AP3B2: variants seen among roughly 807,000 people sequenced by gnomAD.
AP3B2 encodes adaptor related protein complex 3 subunit beta 2, also known as AP-3 complex subunit beta-2.
Under a neutral mutation model 126.9 loss-of-function variants are expected in AP3B2, and 50 were observed. That is an observed-to-expected ratio of 0.39 (90% CI 0.31 to 0.50). The LOEUF (loss-of-function observed/expected upper bound fraction) is 0.50. Ranked by LOEUF, AP3B2 falls within the 20% of genes least tolerant of loss-of-function variation. The pLI is 0.79. For synonymous variants in AP3B2, 541 were observed against 565.0 expected, an observed-to-expected ratio of 0.96 and a Z score of 0.60; for missense variants, 1,177 against 1,426.4, an observed-to-expected ratio of 0.83 and a Z score of 2.82.
chr15:82,698,017 G>C (rs2048656669), intron 1 of AP3B2: 1 of 152,750 alleles, frequency 6.5e-6, no homozygotes, highest in South Asian at 2.1e-4. Flanking sequence ...GCTTCCCTGA[G>C]ATATGAATGC....
At chr15:82,705,230 G>A (rs146671449) in intron 1 of AP3B2, among the ~76,000 whole-genome samples, 6 of 152,110 alleles carry the variant, frequency 3.9e-5, no homozygotes, top group Non-Finnish European at 5.9e-5. Flanking sequence ...CGTGCTCAAT[G>A]TCAATATCCC....
intron 1 of AP3B2, chr15:82,700,020 G>T (rs1006085362): frequency 1.0e-5 from 4 of 397,436 alleles, no homozygotes; most frequent in Non-Finnish European, 1.3e-5. Context: ...CAGAGACAAG[G>T]CCTCTAGAGG....
intron 1 of AP3B2, chr15:82,692,070 A>T: frequency 6.7e-7 from 1 of 1,492,754 alleles, no homozygotes; most frequent in Non-Finnish European, 9.3e-7. Context: ...ATCTTCTTGC[A>T]GAAGGCCCAT....
rs1410185898 is a variant in AP3B2, at chr15:82,664,793, A to T, written c.2137+42T>A. 1 of 1,436,278 alleles carries T rather than the reference A, an allele frequency of 7.0e-7. No homozygotes were observed. The highest frequency in any genetic ancestry group is 2.4e-5 in the East Asian group (1 of 41,190). 89.0% of individuals were successfully genotyped at this position (1,436,278 alleles called of 1,614,324 possible). ...CTCATATAGTCAGTCACACAGATGC[A>T]TGGGCAGAGCACAGAGGACCCCAGC... is the stretch of plus-strand genomic sequence containing the variant. On this transcript the variant is annotated intron_variant, in intron 18 of 26. Coordinates refer to ENST00000535359, the MANE Select transcript of AP3B2 (RefSeq NM_001278512.2). The surrounding 1 kb of genome is among the most constrained non-coding windows in gnomAD (Gnocchi z 4.5).
chr15:82,699,194 C>T (rs1005387450), intron 1 of AP3B2: 2 of 154,086 alleles, frequency 1.3e-5, no homozygotes, highest in Non-Finnish European at 2.9e-5. Flanking sequence ...TGGCATGGCA[C>T]TGGGGGTCAG....
rs370858621 is a variant in AP3B2 at position 82,689,122 on chromosome 15, G to A, written c.264+36C>T. 6.2e-4 allele frequency: 990 copies of A among 1,609,032 alleles called. 2 individuals carry two copies. The highest frequency in any genetic ancestry group is 7.0e-4 in the Non-Finnish European group (818 of 1,175,582). ...AAGCTTGAGTGTGGTCCTGGGGGAG[G>A]TGGGGACAAGCAATCCCTCACCAGG... is the stretch of plus-strand genomic sequence containing the variant. On this transcript the variant is annotated intron_variant, in intron 3 of 26. Coordinates refer to ENST00000535359, the MANE Select transcript of AP3B2 (RefSeq NM_001278512.2).
In AP3B2 at chr15:82,659,879, C is replaced by T; in HGVS notation, c.3121G>A (p.Gly1041Ser). Reference protein sequence around the residue: ...VQKVTATANLGRVPCGTSDEY... With the variant: ...VQKVTATANLSRVPCGTSDEY... ...TCAGATGTCCCACAAGGAACACGACCCAGGTTGGCAGTGGCAGTCACTTTC... is the reference window on the plus strand; with the variant it reads ...TCAGATGTCCCACAAGGAACACGACTCAGGTTGGCAGTGGCAGTCACTTTC... Residue 1041 changes from glycine to serine, a missense_variant, in exon 26 of 27, where the codon GGT (glycine) becomes AGT (serine). By Grantham distance (56) the Gly-to-Ser change is moderately conservative. This residue lies in a region of AP3B2 where 587 missense variants were observed against 571.3 expected (regional missense o/e 1.03). Transcript: ENST00000535359. The T allele has an allele frequency of 6.2e-7, 1 of 1,613,978 alleles. No homozygotes were observed. Among genetic ancestry groups the T allele is most frequent in the Non-Finnish European group, 8.5e-7 (1 of 1,179,876 alleles).
Position 82,664,615 on chromosome 15 carries a change from C to G in AP3B2, c.2138-125G>C. The stretch of plus-strand genomic sequence containing the variant: ...CAAACCTCTCTGACCTGCCCCCAGC[C>G]CTACATGCCAGCTGGAACTGACAGA... On this transcript the variant is annotated intron_variant, in intron 18 of 26. Coordinates refer to ENST00000535359, the MANE Select transcript of AP3B2 (RefSeq NM_001278512.2). This position sits in a 1 kb window ranked among gnomAD's most constrained non-coding sequence, Gnocchi z 4.5. 7.7e-7 allele frequency: 1 copy of G among 1,292,348 alleles called. No individual in the cohort carries two copies. Among genetic ancestry groups the G allele is most frequent in the African/African-American group, 1.5e-5 (1 of 67,984 alleles). The allele number at this position is 1,292,348 out of a possible 1,614,324, so 80.1% of individuals were successfully genotyped here. A position where few individuals can be genotyped will look rare whatever the true frequency, so the allele number is the denominator to read the frequency against.
rs998727894 is a variant in AP3B2, at chr15:82,663,601, G to A, written c.2456C>T (p.Ala819Val). The A allele has an allele frequency of 6.2e-7, 1 of 1,613,958 alleles. No homozygotes were observed. The highest frequency in any genetic ancestry group is 1.1e-5 in the South Asian group (1 of 91,046). ...CAGGGAGATCTCCTTGGTTGCAGGA[G>A]CACTTTTGCTGCTGGGAGGCTGAAA... Reference protein sequence around the residue: ...SRKTPPSSKSAPATKEISLLD... With the variant: ...SRKTPPSSKSVPATKEISLLD... The change falls in exon 21 of 27, where the codon GCT (alanine) becomes GTT (valine). Residue 819 changes from alanine (A) to valine (V), a missense_variant. By Grantham distance (64) the Ala-to-Val change is moderately conservative. Coordinates refer to ENST00000535359, the MANE Select transcript of AP3B2 (RefSeq NM_001278512.2).
chr15:82,678,635 T>C (rs1011108497), intron 10 of AP3B2, among the ~76,000 whole-genome samples: 4 of 152,224 alleles, frequency 2.6e-5, no homozygotes, highest in Admixed American at 2.6e-4. Flanking sequence ...GCATAATTCA[T>C]GTTCATCTCT....
intron 1 of AP3B2, among the ~76,000 whole-genome samples, chr15:82,702,219 G>A (rs533212379): frequency 6.6e-6 from 1 of 152,182 alleles, no homozygotes; most frequent in South Asian, 2.1e-4. Context: ...CTACCTAATA[G>A]GGTAATATGT....
At chr15:82,705,129 C>A (rs893425069) in intron 1 of AP3B2, among the ~76,000 whole-genome samples, 1 of 152,086 alleles carries the variant, frequency 6.6e-6, no homozygotes, top group Admixed American at 6.5e-5. Context: ...TATCTCCCCA[C>A]CTTAATCCTC....
chr15:82,680,403 G>A lies in AP3B2; in HGVS notation c.1055+69C>T, dbSNP rs967033150. On this transcript the variant is annotated intron_variant, in intron 8 of 26. Transcript: ENST00000535359. This position sits in a 1 kb window ranked among gnomAD's most constrained non-coding sequence, Gnocchi z 6.1. ...GGAAGCGGCTGGTGGGCGTGAGGGG[G>A]CGGAGCCGGGCAGCCCGTGGGGCGG... 6.9e-7 allele frequency: 1 copy of A among 1,444,416 alleles called. No homozygotes were observed. 89.5% of individuals were successfully genotyped at this position (1,444,416 alleles called of 1,614,324 possible). A position where few individuals can be genotyped will look rare whatever the true frequency, so the allele number is the denominator to read the frequency against.
At position 82,664,418 on chromosome 15, in the gene AP3B2, G is replaced by T. The variant is rs1260706879; in HGVS notation, c.2210C>A (p.Ser737Tyr). Residue 737 changes from serine (S) to tyrosine (Y), a missense_variant, in exon 19 of 27, where the codon TCC (serine) becomes TAC (tyrosine). Ser to Tyr is a moderately radical substitution (Grantham distance 144). Transcript: ENST00000535359. The surrounding 1 kb of genome is among the most constrained non-coding windows in gnomAD (Gnocchi z 4.5). ...ESGSGESSSE[S>Y]DNEDQDEDEE... ...ATCCTCATCCTGGTCTTCATTGTCGGACTCACTGCTGGACTCCCCAGAGCC... is the reference window on the plus strand; with the variant it reads ...ATCCTCATCCTGGTCTTCATTGTCGTACTCACTGCTGGACTCCCCAGAGCC... 76 of 1,613,716 alleles carry T rather than the reference G, an allele frequency of 4.7e-5. No homozygotes were observed. The highest frequency in any genetic ancestry group is 6.3e-5 in the Non-Finnish European group (74 of 1,179,864).
intron 25 of AP3B2, among the ~76,000 whole-genome samples, chr15:82,660,861 C>G (rs1283049251): frequency 1.4e-4 from 22 of 152,208 alleles, no homozygotes; most frequent in Admixed American, 1.4e-3. Context: ...TGTCTCCCTC[C>G]TCATTCATGG....
rs1045346082 is a variant in AP3B2, at chr15:82,659,469, T to TGA, written c.*89_*90dup. 27 of 1,493,012 alleles carry TGA rather than the reference T, an allele frequency of 1.8e-5. No individual in the cohort carries two copies. Among genetic ancestry groups the TGA allele is most frequent in the East Asian group, 2.3e-5 (1 of 43,750 alleles). The allele number at this position is 1,493,012 out of a possible 1,614,324, so 92.5% of individuals were successfully genotyped here. A position where few individuals can be genotyped will look rare whatever the true frequency, so the allele number is the denominator to read the frequency against. ...ATGCTATCTGGCATGAGGAGGATGATGAGAGAGAGAGAGAAAGATGAGAGA... is the reference window on the plus strand; with the variant it reads ...ATGCTATCTGGCATGAGGAGGATGATGAGAGAGAGAGAGAGAAAGATGAGAGA... On this transcript the variant is annotated 3_prime_UTR_variant, in exon 27 of 27. Coordinates refer to ENST00000535359, the MANE Select transcript of AP3B2 (RefSeq NM_001278512.2).
Position 82,709,804 on chromosome 15 carries a change from G to T in AP3B2, c.-98C>A. ...GCGGGCCGGTCCGGTCCGGGCTGGC[G>T]AAGGCGGCGGCGCGGCAGGGGTTCA... On this transcript the variant is annotated 5_prime_UTR_variant, in exon 1 of 27. Coordinates refer to ENST00000535359, the MANE Select transcript of AP3B2 (RefSeq NM_001278512.2). 2.1e-6 allele frequency: 2 copies of T among 965,928 alleles called. No homozygotes were observed. The highest frequency in any genetic ancestry group is 2.8e-6 in the Non-Finnish European group (2 of 706,964). 59.8% of individuals were successfully genotyped at this position (965,928 alleles called of 1,614,324 possible).
At chr15:82,693,196 C>CCCCTCG (rs2048572854) in intron 1 of AP3B2, among the ~76,000 whole-genome samples, 1 of 128,598 alleles carries the variant, frequency 7.8e-6, no homozygotes, top group African/African-American at 2.9e-5. Flanking sequence ...CCGCCCCCAC[C>CCCCTCG]CCCCCGCCCC....
At chr15:82,669,749 G>A (rs1434998157) in intron 14 of AP3B2, among the ~76,000 whole-genome samples, 3 of 146,584 alleles carry the variant, frequency 2.0e-5, no homozygotes, top group Admixed American at 2.0e-4. Context: ...TGTAATCCTA[G>A]CAAGCACTTT....
Sources: allele counts gnomAD v4.1 joint callset (sites outside exome capture counted in the v4.1 genomes callset), GRCh38; gene constraint gnomAD v4.1.1; regional missense constraint gnomAD v4.1.1; non-coding constraint Gnocchi (gnomAD v3.1); transcripts MANE v1.5; gene names NCBI Gene and HGNC (gene_info 2026-07-23, HGNC 2026-07-21).